Variants in ARHGEF18 observed in about 807,000 individuals in gnomAD.
ARHGEF18 encodes rho guanine nucleotide exchange factor 18.
A neutral mutation model predicts 155.7 loss-of-function variants in ARHGEF18; 93 were observed. That is an observed-to-expected ratio of 0.60 (90% CI 0.50 to 0.71). ARHGEF18 has a LOEUF of 0.71. Among genes scored for constraint, ARHGEF18 ranks in the 30% least tolerant of loss-of-function variants. The pLI is 0.00. For missense variants in ARHGEF18, 1,593 were observed against 1,816.1 expected (o/e 0.88, Z 2.23); for synonymous variants, 742 against 753.1 (o/e 0.99, Z 0.24).
chr19:7,431,597 C>A (rs1460831458), intron 10 of ARHGEF18, among the ~76,000 whole-genome samples: 1 of 151,616 alleles, frequency 6.6e-6, no homozygotes, highest in African/African-American at 2.4e-5. Context: ...GGGTGGATCA[C>A]CTGAGGTCGG....
At position 7,375,783 on chromosome 19, in the gene ARHGEF18, T is replaced by TA. The variant is rs752106963; in HGVS notation, c.339_340insA (p.Ala114SerfsTer32). On this transcript the variant is annotated frameshift_variant, in exon 4 of 29. Coordinates refer to ENST00000668164, the MANE Select transcript of ARHGEF18 (RefSeq NM_001367823.1). LOFTEE classifies it high-confidence loss of function. ...GTCTCCCCCGAACACTGGCCAGCCT[T>TA]GCTTTGAACCTGCCAGGAGGAGGGC... The TA allele has an allele frequency of 1.6e-5, 20 of 1,234,430 alleles. 1 individual carries two copies. Among genetic ancestry groups the TA allele is most frequent in the Non-Finnish European group, 1.9e-5 (19 of 988,324 alleles). 76.5% of individuals were successfully genotyped at this position (1,234,430 alleles called of 1,614,324 possible). A position where few individuals can be genotyped will look rare whatever the true frequency, so the allele number is the denominator to read the frequency against.
intron 10 of ARHGEF18, among the ~76,000 whole-genome samples, chr19:7,393,116 C>T (rs1971502164): frequency 6.7e-6 from 1 of 150,372 alleles, no homozygotes; most frequent in Non-Finnish European, 1.5e-5. Flanking sequence ...TAAGCCACAG[C>T]TACACAGCTG....
chr19:7,446,964 C>A, intron 14 of ARHGEF18, 79 bp from the exon 15 acceptor site: 3 of 1,475,182 alleles, frequency 2.0e-6, no homozygotes, highest in Admixed American at 2.3e-5. Flanking sequence ...TTTATTTTAG[C>A]AGACTCAGAC....
intron 10 of ARHGEF18, among the ~76,000 whole-genome samples, chr19:7,420,312 G>T (rs984244928): frequency 6.6e-5 from 10 of 152,172 alleles, no homozygotes; most frequent in African/African-American, 1.4e-4. Flanking sequence ...GCCCTGGCTG[G>T]AGTGCAGTGG....
intron 1 of ARHGEF18, among the ~76,000 whole-genome samples, chr19:7,351,629 G>T (rs1377774619): frequency 6.6e-6 from 1 of 150,680 alleles, no homozygotes; most frequent in African/African-American, 2.4e-5. Flanking sequence ...AGCTAGAGTG[G>T]ACTTCTTAAG....
the ARHGEF18 span, among the ~76,000 whole-genome samples, chr19:7,478,104 A>G: frequency 0.014 from 2,085 of 152,370 alleles, 20 homozygotes; most frequent in Non-Finnish European, 0.02. Flanking sequence ...GGGCGCAGCC[A>G]TGAAGGCTCA....
At chr19:7,387,403 C>T (rs542987469) in intron 10 of ARHGEF18, among the ~76,000 whole-genome samples, 12 of 152,050 alleles carry the variant, frequency 7.9e-5, no homozygotes, top group South Asian at 2.1e-4. Context: ...CTGCCCGTCT[C>T]GGTCTCCCAA....
chr19:7,465,169 C>T (rs1028392427), intron 23 of ARHGEF18, among the ~76,000 whole-genome samples: 2 of 152,206 alleles, frequency 1.3e-5, no homozygotes, highest in Admixed American at 6.5e-5. Flanking sequence ...AGAGCTGGCA[C>T]GCAGGCCTCA....
intron 10 of ARHGEF18, among the ~76,000 whole-genome samples, chr19:7,433,321 G>C (rs1260730743): frequency 2.0e-5 from 3 of 151,660 alleles, no homozygotes; most frequent in Non-Finnish European, 4.4e-5. Context: ...ACAAAAATTA[G>C]CTGGGTGTGG....
At chr19:7,400,427 A>G (rs971398729) in intron 10 of ARHGEF18, among the ~76,000 whole-genome samples, 1 of 152,114 alleles carries the variant, frequency 6.6e-6, no homozygotes, top group Non-Finnish European at 1.5e-5. Flanking sequence ...AGCTGGGACT[A>G]CAAGCATCAG....
chr19:7,451,126 G>T (rs374029287), intron 15 of ARHGEF18, 23 bp from the exon 16 acceptor site: 3 of 1,609,826 alleles, frequency 1.9e-6, no homozygotes, highest in South Asian at 2.2e-5. Context: ...TGTTAATACA[G>T]GATCTTGCTT....
intron 10 of ARHGEF18, among the ~76,000 whole-genome samples, chr19:7,432,189 A>G (rs1034543506): frequency 3.9e-5 from 6 of 152,154 alleles, no homozygotes; most frequent in African/African-American, 1.4e-4. Flanking sequence ...TCATCGATTT[A>G]GTCTATTCCC....
intron 10 of ARHGEF18, among the ~76,000 whole-genome samples, chr19:7,403,798 C>G (rs1233754746): frequency 2.0e-5 from 3 of 151,686 alleles, no homozygotes; most frequent in African/African-American, 7.3e-5. Context: ...GGCTCAATGA[C>G]TCACACCTGT....
chr19:7,392,173 G>A (rs543362260), intron 10 of ARHGEF18, among the ~76,000 whole-genome samples: 1 of 149,844 alleles, frequency 6.7e-6, no homozygotes, highest in East Asian at 2.0e-4. Context: ...TCTGGGAGGT[G>A]GAGTTTGCAG....
Position 7,462,716 on chromosome 19 carries a change from A to G in ARHGEF18, c.2635+382A>G, listed in dbSNP as rs540067959. Among the ~76,000 whole-genome samples the G allele has an allele frequency of 2.9e-4, 44 of 151,902 alleles. No individual in the cohort carries two copies. Among genetic ancestry groups the G allele is most frequent in the Non-Finnish European group, 5.3e-4 (36 of 68,000 alleles). The stretch of plus-strand genomic sequence containing the variant: ...GTGGGTCCTGGTGATATCCCCAGAA[A>G]AACACACGCACACTCCCTCAGTGGG... On this transcript the variant is annotated intron_variant, in intron 21 of 28. Coordinates refer to ENST00000668164, the MANE Select transcript of ARHGEF18 (RefSeq NM_001367823.1). This position sits in a 1 kb window ranked among gnomAD's most constrained non-coding sequence, Gnocchi z 4.4.
At position 7,453,722 on chromosome 19, in the gene ARHGEF18, G is replaced by A; in HGVS notation, c.2104+7G>A. The A allele has an allele frequency of 6.5e-7, 1 of 1,538,426 alleles. No homozygotes were observed. The highest frequency in any genetic ancestry group is 8.8e-7 in the Non-Finnish European group (1 of 1,141,048). On this transcript the variant is annotated splice_region_variant and intron_variant, in intron 17 of 28. Coordinates refer to ENST00000668164, the MANE Select transcript of ARHGEF18 (RefSeq NM_001367823.1). ...ACATCAGGGCGCTTGAAAGGTAAAG[G>A]CCTGCCCCTGCCCACCTCTAGTGGG...
At chr19:7,426,346 G>A (rs1020794113) in intron 10 of ARHGEF18, among the ~76,000 whole-genome samples, 1 of 151,796 alleles carries the variant, frequency 6.6e-6, no homozygotes, top group Non-Finnish European at 1.5e-5. Context: ...AATTAGCCGG[G>A]CGTGGTGGAA....
intron 1 of ARHGEF18, among the ~76,000 whole-genome samples, chr19:7,350,120 G>A (rs969633702): frequency 2.0e-5 from 3 of 152,140 alleles, no homozygotes; most frequent in Non-Finnish European, 2.9e-5. Context: ...CTGCACCACC[G>A]CCTGCCTGGG....
chr19:7,397,806 C>T (rs576074505), intron 10 of ARHGEF18, among the ~76,000 whole-genome samples: 11 of 152,046 alleles, frequency 7.2e-5, no homozygotes, highest in Non-Finnish European at 1.0e-4. Context: ...TGGACTCAAG[C>T]GATCCTCCCA....
Sources: gnomAD v4.1 joint callset for allele counts (sites outside exome capture counted in the v4.1 genomes callset) on GRCh38, gnomAD v4.1.1 for gene constraint, Gnocchi (gnomAD v3.1) non-coding constraint, MANE v1.5 for transcripts, NCBI Gene and HGNC (gene_info 2026-07-23, HGNC 2026-07-21) for gene names.